EIF4ENIF1: variants seen among roughly 807,000 people sequenced by gnomAD.
EIF4ENIF1 encodes eukaryotic translation initiation factor 4E transporter.
Under a neutral mutation model 110.5 loss-of-function variants are expected in EIF4ENIF1, and 23 were observed. The ratio of observed to expected loss-of-function variants is 0.21; its 90% CI spans 0.15 to 0.29. EIF4ENIF1 has a LOEUF of 0.29. EIF4ENIF1 is among the 10% of genes least tolerant of loss of function. The pLI is 1.00. For synonymous variants in EIF4ENIF1, 440 were observed against 437.0 expected (o/e 1.01, Z -0.09); for missense variants, 1,031 against 1,221.1 (o/e 0.84, Z 2.32).
At chr22:31,442,865 A>G (rs1220635697) in intron 16 of EIF4ENIF1, 97 bp downstream of exon 16, 1 of 1,497,296 alleles carries the variant, frequency 6.7e-7, no homozygotes, top group Non-Finnish European at 9.0e-7. Context: ...GGTCTTGCCC[A>G]GGGCTTTGTA....
chr22:31,440,902 C>T (rs749153128), intron 17 of EIF4ENIF1, 34 bp from the exon 18 acceptor site: 2 of 1,611,090 alleles, frequency 1.2e-6, no homozygotes, highest in South Asian at 2.2e-5. Flanking sequence ...GCTGAGTAGT[C>T]TTAATGTTAC....
At position 31,447,405 on chromosome 22, in the gene EIF4ENIF1, T is replaced by G. The variant is rs367764635; in HGVS notation, c.1988+21A>C. ...GAAAACTTATCCGTAAATCTCCACATGAGCAGGATTAGTAATTTACCTGTT... is the reference window on the plus strand; with the variant it reads ...GAAAACTTATCCGTAAATCTCCACAGGAGCAGGATTAGTAATTTACCTGTT... On this transcript the variant is annotated intron_variant, in intron 14 of 18. Coordinates refer to ENST00000330125, the MANE Select transcript of EIF4ENIF1 (RefSeq NM_019843.4). 5 of 1,606,068 alleles carry G rather than the reference T, an allele frequency of 3.1e-6. No homozygotes were observed. In the South Asian group the frequency reaches 4.5e-5, roughly 14 times the overall value.
Position 31,468,165 on chromosome 22 carries a change from G to A in EIF4ENIF1, c.298+10C>T, listed in dbSNP as rs2051252751. On this transcript the variant is annotated intron_variant, in intron 4 of 18. Transcript: ENST00000330125. The stretch of plus-strand genomic sequence containing the variant: ...TCACTAACCCCACTTCTGAGTGACT[G>A]TGTGCTCACCTACTATCCTGCGCAC... 6.2e-7 allele frequency: 1 copy of A among 1,612,826 alleles called. No homozygotes were observed. Among genetic ancestry groups the A allele is most frequent in the East Asian group, 2.2e-5 (1 of 44,846 alleles).
chr22:31,457,153 GAAATTTCA>G (rs1173513509), intron 7 of EIF4ENIF1, among the ~76,000 whole-genome samples: 28 of 152,200 alleles, frequency 1.8e-4, no homozygotes, highest in Non-Finnish European at 4.4e-5. Flanking sequence ...TGTGGAAGAT[GAAATTTCA>G]ACTGATCTCT....
chr22:31,490,777 T>C (rs1357446719), upstream of EIF4ENIF1, among the ~76,000 whole-genome samples: 2 of 152,206 alleles, frequency 1.3e-5, no homozygotes, highest in African/African-American at 4.8e-5. Context: ...ATTTCTGCCC[T>C]GTGGTACTGC....
At chr22:31,485,453 C>T (rs1009907277) in intron 2 of EIF4ENIF1, among the ~76,000 whole-genome samples, 1 of 152,274 alleles carries the variant, frequency 6.6e-6, no homozygotes, top group East Asian at 1.9e-4. Context: ...TACATGTTAA[C>T]CTCTGATCGG....
rs951563723 is a variant in EIF4ENIF1, at chr22:31,455,765, T to G, written c.1099+87A>C. The G allele has an allele frequency of 1.9e-6, 3 of 1,551,102 alleles. No individual in the cohort carries two copies. In the African/African-American group the frequency reaches 4.1e-5, roughly 21 times the overall value. On this transcript the variant is annotated intron_variant, in intron 8 of 18. Transcript: ENST00000330125. ...TTGTCCAGAGACCCTTTGACCCTAATTGACTCCTGACTAATGAAGATAAAA... is the reference window on the plus strand; with the variant it reads ...TTGTCCAGAGACCCTTTGACCCTAAGTGACTCCTGACTAATGAAGATAAAA...
At chr22:31,447,591 A>G in intron 13 of EIF4ENIF1, 26 bp from the exon 14 acceptor site, 1 of 1,585,952 alleles carries the variant, frequency 6.3e-7, no homozygotes, top group East Asian at 2.3e-5. Context: ...GGGGAGGGTC[A>G]GGAGAAGAGT....
At position 31,468,260 on chromosome 22, in the gene EIF4ENIF1, G is replaced by A. The variant is rs757121984; in HGVS notation, c.213C>T (p.Tyr71=). ...WDPEKWHASL[Y]PASGRSSPVE... is the part of the protein sequence containing the mutation. ...CTGGTGAGCTCCGCCCTGAAGCTGG[G>A]TAGAGAGAGGCATGCCACTTCTCAG... The change falls in exon 4 of 19, where the codon TAC becomes TAT. Residue 71 remains tyrosine, a synonymous_variant. Coordinates refer to ENST00000330125, the MANE Select transcript of EIF4ENIF1 (RefSeq NM_019843.4). 3 of 1,614,174 alleles carry A rather than the reference G, an allele frequency of 1.9e-6. No homozygotes were observed. The highest frequency in any genetic ancestry group is 2.5e-6 in the Non-Finnish European group (3 of 1,180,030).
intron 10 of EIF4ENIF1, chr22:31,450,831 CAT>C (rs139052348): frequency 0.31 from 47,320 of 150,700 alleles, 8,840 homozygotes; most frequent in Middle Eastern, 0.42. Flanking sequence ...TACATACACA[CAT>C]ATATATATAC....
At chr22:31,464,546 C>T (rs1324847276) in intron 4 of EIF4ENIF1, among the ~76,000 whole-genome samples, 2 of 150,410 alleles carry the variant, frequency 1.3e-5, no homozygotes, top group Non-Finnish European at 3.0e-5. Flanking sequence ...GGCATTGTGG[C>T]AGGTGCCTGT....
Position 31,455,240 on chromosome 22 carries a change from G to C in EIF4ENIF1, c.1175C>G (p.Ala392Gly). The C allele has an allele frequency of 6.2e-7, 1 of 1,613,850 alleles. No homozygotes were observed. Among genetic ancestry groups the C allele is most frequent in the Non-Finnish European group, 8.5e-7 (1 of 1,179,890 alleles). The change falls in exon 9 of 19, where the codon GCT (alanine) becomes GGT (glycine). Residue 392 changes from alanine (A) to glycine (G), a missense_variant. Ala to Gly is a moderately conservative substitution (Grantham distance 60). Transcript: ENST00000330125. ...TTCTAAAATATCCACTTTATTTTCA[G>C]CATGGTCTTCCAATGGTATAGGAGC... ...YFAPIPLEDH[A>G]ENKVDILEML...
intron 14 of EIF4ENIF1, among the ~76,000 whole-genome samples, chr22:31,445,433 T>C (rs2050431315): frequency 6.6e-6 from 1 of 152,182 alleles, no homozygotes; most frequent in Non-Finnish European, 1.5e-5. Flanking sequence ...AAAACCTAAA[T>C]TCATGGCTTC....
chr22:31,442,483 G>A (rs17821048), intron 16 of EIF4ENIF1, among the ~76,000 whole-genome samples: 3,905 of 152,156 alleles, frequency 0.026, 79 homozygotes, highest in East Asian at 0.06. Context: ...TCTCAGATCT[G>A]TACTTTTAAC....
rs781198978 is a variant in EIF4ENIF1 at position 31,454,110 on chromosome 22, A to G, written c.1512+34T>C. 3 of 1,573,020 alleles carry G rather than the reference A, an allele frequency of 1.9e-6. No individual in the cohort carries two copies. In the Admixed American group the frequency reaches 5.2e-5, roughly 27 times the overall value. On this transcript the variant is annotated intron_variant, in intron 10 of 18. Coordinates refer to ENST00000330125, the MANE Select transcript of EIF4ENIF1 (RefSeq NM_019843.4). ...GTGGGAAAAAGAAGAAAAAAAAAGG[A>G]GAAAAGGGTGGGGGGTTTGTGTCAG...
downstream of EIF4ENIF1, chr22:31,437,189 C>A (rs1266341449): frequency 6.6e-6 from 1 of 152,352 alleles, no homozygotes; most frequent in Non-Finnish European, 1.5e-5. Context: ...TCTTTCCTCT[C>A]CTACCTGACC....
intron 2 of EIF4ENIF1, among the ~76,000 whole-genome samples, chr22:31,487,673 C>T (rs1483642006): frequency 1.3e-5 from 2 of 151,850 alleles, no homozygotes; most frequent in Non-Finnish European, 2.9e-5. Flanking sequence ...GCCTGTGGTC[C>T]CAGCTACTCA....
intron 2 of EIF4ENIF1, among the ~76,000 whole-genome samples, chr22:31,482,032 G>A (rs550633623): frequency 3.4e-4 from 52 of 152,096 alleles, no homozygotes; most frequent in Admixed American, 1.1e-3. Context: ...TTAGCCATGT[G>A]TGGTGACACA....
chr22:31,465,298 G>A (rs1439914890), intron 4 of EIF4ENIF1, among the ~76,000 whole-genome samples: 2 of 150,328 alleles, frequency 1.3e-5, no homozygotes, highest in Non-Finnish European at 3.0e-5. Flanking sequence ...ACTGTAGCCT[G>A]GGCACCAAGA....
Sources: allele counts gnomAD v4.1 joint callset (sites outside exome capture counted in the v4.1 genomes callset), GRCh38; gene constraint gnomAD v4.1.1; transcripts MANE v1.5; gene names NCBI Gene and HGNC (gene_info 2026-07-23, HGNC 2026-07-21).